Variants in NGLY1 observed in about 807,000 individuals in gnomAD.
The protein encoded by NGLY1 is N-glycanase 1.
In NGLY1, 68 loss-of-function variants were observed where a neutral mutation model predicts 84.6. The ratio of observed to expected loss-of-function variants is 0.80; its 90% confidence interval spans 0.66 to 0.98. The LOEUF is 0.98. Among genes scored for constraint, NGLY1 ranks in the 50% least tolerant of loss-of-function variants. The probability of loss-of-function intolerance (pLI) is 0.00; values close to 1 mark genes in which losing one functional copy is unlikely to be tolerated. For missense variants in NGLY1, 779 were observed against 770.2 expected (o/e 1.01, Z -0.14); for synonymous variants, 280 against 275.2 (o/e 1.02, Z -0.17).
upstream of NGLY1, among the ~76,000 whole-genome samples, chr3:25,785,946 G>C (rs1182580074): frequency 6.6e-6 from 1 of 152,112 alleles, no homozygotes; most frequent in Non-Finnish European, 1.5e-5. Context: ...AAAGTCTCTT[G>C]TGCCATCTGT....
In NGLY1 at chr3:25,744,825, G is replaced by A. The variant is rs184082253; in HGVS notation, c.659-5026C>T. On this transcript the variant is annotated intron_variant, in intron 4 of 11. Coordinates refer to ENST00000280700, the MANE Select transcript of NGLY1 (RefSeq NM_018297.4). ...GTTTGGTCTGGAAATGTAATGGCTG[G>A]AGCTGCAGCAGCCATTTTGGACTAC... Among the ~76,000 whole-genome samples, 235 of 152,224 alleles carry A rather than the reference G, an allele frequency of 1.5e-3. 1 individual carries two copies. The highest frequency in any genetic ancestry group is 7.0e-3 in the South Asian group (34 of 4,828).
In NGLY1 at chr3:25,719,202, C is replaced by G. The variant is rs1704853757; in HGVS notation, c.*258G>C. On this transcript the variant is annotated 3_prime_UTR_variant, in exon 12 of 12. Coordinates refer to ENST00000280700, the MANE Select transcript of NGLY1 (RefSeq NM_018297.4). ...TATTTAACTTTTAAAACCATACTTA[C>G]AGTTTTAGATTAAAATCCCATATTG... is the stretch of plus-strand genomic sequence containing the variant. 3.4e-6 allele frequency: 1 copy of G among 292,922 alleles called. No homozygotes were observed. The highest frequency in any genetic ancestry group is 6.3e-6 in the Non-Finnish European group (1 of 159,390). 18.1% of individuals were successfully genotyped at this position (292,922 alleles called of 1,614,324 possible). A position where few individuals can be genotyped will look rare whatever the true frequency, so the allele number is the denominator to read the frequency against.
Position 25,783,045 on chromosome 3 carries a change from A to G in NGLY1, c.131+215T>C, listed in dbSNP as rs1442027405. 1.9e-6 allele frequency: 1 copy of G among 520,700 alleles called. No individual in the cohort carries two copies. Among genetic ancestry groups the G allele is most frequent in the African/African-American group, 2.0e-5 (1 of 48,794 alleles). 32.3% of individuals were successfully genotyped at this position (520,700 alleles called of 1,614,324 possible). Reference sequence around the variant, plus strand: ...CAGGTGCCAAGTCACAACTGCAAAGAAACTTCCTTTTCTCGAGCGGGGGTG... The same window carrying G: ...CAGGTGCCAAGTCACAACTGCAAAGGAACTTCCTTTTCTCGAGCGGGGGTG... On this transcript the variant is annotated intron_variant, in intron 1 of 11. Transcript: ENST00000280700. The surrounding 1 kb of genome is among the most constrained non-coding windows in gnomAD (Gnocchi z 4.5).
At chr3:25,762,440 C>T (rs1383133531) in intron 3 of NGLY1, among the ~76,000 whole-genome samples, 1 of 152,154 alleles carries the variant, frequency 6.6e-6, no homozygotes, top group Non-Finnish European at 1.5e-5. Context: ...CTCTCAACTT[C>T]AACACAGAAG....
intron 3 of NGLY1, among the ~76,000 whole-genome samples, chr3:25,753,364 G>T (rs1400147457): frequency 6.6e-6 from 1 of 152,066 alleles, no homozygotes; most frequent in Non-Finnish European, 1.5e-5. Context: ...AATACAGAAA[G>T]TATATCACTC....
At chr3:25,722,991 CATTAACAGATATACTCAA>C (rs1261940047) in intron 10 of NGLY1, among the ~76,000 whole-genome samples, 3 of 152,188 alleles carry the variant, frequency 2.0e-5, no homozygotes, top group Non-Finnish European at 4.4e-5. Flanking sequence ...AAGACATAAA[CATTAACAGATATACTCAA>C]ATTTATCTCT....
intron 4 of NGLY1, among the ~76,000 whole-genome samples, chr3:25,743,168 A>C (rs1706239735): frequency 6.6e-6 from 1 of 152,148 alleles, no homozygotes; most frequent in Non-Finnish European, 1.5e-5. Flanking sequence ...TCCCCTCCAA[A>C]AGAAGCATGG....
intron 4 of NGLY1, among the ~76,000 whole-genome samples, chr3:25,742,174 A>G (rs1706180185): frequency 6.6e-6 from 1 of 152,226 alleles, no homozygotes; most frequent in Admixed American, 6.5e-5. Flanking sequence ...GGCAGGATCC[A>G]TTATAATATA....
chr3:25,782,153 T>C (rs1299753298), intron 1 of NGLY1, among the ~76,000 whole-genome samples: 1 of 152,154 alleles, frequency 6.6e-6, no homozygotes, highest in East Asian at 1.9e-4. Context: ...TTCCCTTCAA[T>C]TTACTTTAAA....
chr3:25,788,608 C>G (rs1708653542), intron 1 of NGLY1, among the ~76,000 whole-genome samples: 1 of 152,128 alleles, frequency 6.6e-6, no homozygotes. Context: ...AAAGAAATAG[C>G]ACATTAAAAC....
intron 10 of NGLY1, among the ~76,000 whole-genome samples, chr3:25,721,748 C>CAAAAAAA (rs59028606): frequency 3.9e-5 from 2 of 50,704 alleles, no homozygotes; most frequent in Non-Finnish European, 6.5e-5. Context: ...GACTCCATCT[C>CAAAAAAA]AAAAAAAAAA....
At chr3:25,738,316 G>A (rs35814222) in intron 5 of NGLY1, among the ~76,000 whole-genome samples, 6,914 of 152,042 alleles carry the variant, frequency 0.045, 252 homozygotes, top group African/African-American at 0.1. Flanking sequence ...GTATTTAAAG[G>A]TGCCTGCTAA....
intron 10 of NGLY1, among the ~76,000 whole-genome samples, chr3:25,726,290 T>C (rs1231302105): frequency 2.6e-5 from 4 of 152,206 alleles, no homozygotes; most frequent in Non-Finnish European, 4.4e-5. Context: ...CTATGCCAGA[T>C]ATATGAATAC....
intron 4 of NGLY1, among the ~76,000 whole-genome samples, chr3:25,742,353 T>C (rs1009392636): frequency 6.6e-6 from 1 of 152,184 alleles, no homozygotes; most frequent in African/African-American, 2.4e-5. Context: ...TAATAGTGTA[T>C]GTACAATCAA....
At chr3:25,743,905 C>A (rs1321945582) in intron 4 of NGLY1, among the ~76,000 whole-genome samples, 2 of 152,074 alleles carry the variant, frequency 1.3e-5, no homozygotes, top group African/African-American at 2.4e-5. Context: ...TAACTAGGGG[C>A]TCAGAGAAAT....
At chr3:25,785,492 T>C (rs915311995), upstream of NGLY1, among the ~76,000 whole-genome samples, 12 of 151,844 alleles carry the variant, frequency 7.9e-5, no homozygotes, top group African/African-American at 2.9e-4. Context: ...TATTATACAG[T>C]ACTTGTAACT....
intron 2 of NGLY1, chr3:25,778,356 G>A (rs1013809749): frequency 3.2e-5 from 12 of 370,352 alleles, no homozygotes; most frequent in African/African-American, 1.1e-4. Flanking sequence ...ACTGAGACTC[G>A]TAAGAATTTC....
At chr3:25,734,750 A>T in intron 7 of NGLY1, 2 of 893,248 alleles carry the variant, frequency 2.2e-6, no homozygotes, top group East Asian at 1.2e-4. Context: ...AAAAGCCTAT[A>T]AAATAAACGG....
chr3:25,767,520 T>C (rs1044312502), intron 2 of NGLY1, among the ~76,000 whole-genome samples: 44 of 152,134 alleles, frequency 2.9e-4, no homozygotes, highest in African/African-American at 1.0e-3. Flanking sequence ...GGGGCAGGTA[T>C]GGCTCCTGGT....
Sources: allele counts gnomAD v4.1 joint callset (sites outside exome capture counted in the v4.1 genomes callset), GRCh38; gene constraint gnomAD v4.1.1; non-coding constraint Gnocchi (gnomAD v3.1); transcripts MANE v1.5; gene names NCBI Gene and HGNC (gene_info 2026-07-23, HGNC 2026-07-21).